The following SLC16A7 variants were observed in gnomAD, a reference collection of about 807,000 sequenced individuals.
The protein encoded by SLC16A7 is monocarboxylate transporter 2.
Under a neutral mutation model 34.9 loss-of-function variants are expected in SLC16A7, and 33 were observed. The ratio of observed to expected loss-of-function variants is 0.94; its 90% CI spans 0.72 to 1.26. The LOEUF (loss-of-function observed/expected upper bound fraction) is 1.26, where lower values mean the gene tolerates loss of function less well. Among genes scored for constraint, SLC16A7 ranks in the 50% most tolerant of loss-of-function variants. The pLI, the probability that SLC16A7 is intolerant of heterozygous loss-of-function variation, is 0.00. For synonymous variants in SLC16A7, 201 were observed against 206.6 expected (o/e 0.97, Z 0.23); for missense variants, 573 against 578.1 (o/e 0.99, Z 0.09).
At position 59,741,238 on chromosome 12, in the gene SLC16A7, G is replaced by C. The variant is rs149862834; in HGVS notation, c.218-29981G>C. On this transcript the variant is annotated intron_variant, in intron 3 of 5. Transcript: ENST00000547379. ...TTAAAGTTCATATGGAACCCAAAAAGAGCCCGCATCGCCAAGTCAATCCTA... is the reference window on the plus strand; with the variant it reads ...TTAAAGTTCATATGGAACCCAAAAACAGCCCGCATCGCCAAGTCAATCCTA... 5.2e-3 allele frequency among the ~76,000 whole-genome samples: 797 copies of C among 152,260 alleles called. 8 individuals are homozygous for C. The highest frequency in any genetic ancestry group is 0.015 in the African/African-American group (618 of 41,558).
intron 2 of SLC16A7, among the ~76,000 whole-genome samples, chr12:59,697,769 T>A (rs1872482149): frequency 6.6e-6 from 1 of 151,818 alleles, no homozygotes; most frequent in South Asian, 2.1e-4. Context: ...CATTTTATTT[T>A]GGTTTATTTC....
At chr12:59,742,287 TC>T (rs1878435314) in intron 3 of SLC16A7, among the ~76,000 whole-genome samples, 4 of 152,206 alleles carry the variant, frequency 2.6e-5, no homozygotes, top group Admixed American at 2.0e-4. Context: ...GCACTTGCAT[TC>T]TATTAACACT....
chr12:59,660,739 G>A (rs1436130234), intron 2 of SLC16A7, among the ~76,000 whole-genome samples: 1 of 151,772 alleles, frequency 6.6e-6, no homozygotes, highest in East Asian at 1.9e-4. Context: ...AATAAACTAT[G>A]ATAAAAATCC....
chr12:59,755,632 C>G (rs1463666107), intron 3 of SLC16A7, among the ~76,000 whole-genome samples: 1 of 152,146 alleles, frequency 6.6e-6, no homozygotes, highest in African/African-American at 2.4e-5. Context: ...GAAGAACATT[C>G]CATGCTCATG....
At chr12:59,739,350 A>C (rs908089850) in intron 3 of SLC16A7, among the ~76,000 whole-genome samples, 1 of 141,530 alleles carries the variant, frequency 7.1e-6, no homozygotes, top group African/African-American at 2.7e-5. Flanking sequence ...AATTTCATCC[A>C]TGTCCCTACA....
At chr12:59,658,637 A>G (rs1868661227) in intron 2 of SLC16A7, among the ~76,000 whole-genome samples, 1 of 152,034 alleles carries the variant, frequency 6.6e-6, no homozygotes, top group Non-Finnish European at 1.5e-5. Context: ...AGGGAAGCTG[A>G]GCATGCCCAG....
chr12:59,669,372 G>A (rs1592459511), intron 2 of SLC16A7, among the ~76,000 whole-genome samples: 1 of 152,020 alleles, frequency 6.6e-6, no homozygotes, highest in Non-Finnish European at 1.5e-5. Flanking sequence ...TTTTTAAAGT[G>A]GGGTATATAT....
intron 1 of SLC16A7, among the ~76,000 whole-genome samples, chr12:59,623,354 T>C (rs1223713749): frequency 1.3e-5 from 2 of 151,772 alleles, no homozygotes; most frequent in Non-Finnish European, 2.9e-5. Flanking sequence ...TCTCTGCATT[T>C]AAATCAATAC....
chr12:59,673,276 T>C (rs1870037898), intron 2 of SLC16A7, among the ~76,000 whole-genome samples: 1 of 152,120 alleles, frequency 6.6e-6, no homozygotes, highest in Admixed American at 6.6e-5. Flanking sequence ...TGAATTGGTT[T>C]TGGCATAATA....
chr12:59,697,463 A>G (rs2137116190), intron 2 of SLC16A7, among the ~76,000 whole-genome samples: 1 of 152,050 alleles, frequency 6.6e-6, no homozygotes, highest in East Asian at 1.9e-4. Context: ...GGCTGGTAGT[A>G]TATGCTATTA....
Position 59,630,025 on chromosome 12 carries a change from A to T in SLC16A7, c.-129-25127A>T, listed in dbSNP as rs116853939. On this transcript the variant is annotated intron_variant, in intron 1 of 5. Coordinates refer to ENST00000547379, the MANE Select transcript of SLC16A7 (RefSeq NM_001270623.2). ...AGGTACAAATTGTCTTATACATAGT[A>T]GTCACAAGTCAACAATTATTGAAAC... 3.7e-3 allele frequency among the ~76,000 whole-genome samples: 563 copies of T among 152,048 alleles called. 8 individuals carry two copies. Among genetic ancestry groups the T allele is most frequent in the Non-Finnish European group, 5.2e-3 (353 of 67,900 alleles).
At chr12:59,779,229 T>C (rs934006379) in intron 5 of SLC16A7, among the ~76,000 whole-genome samples, 194 bp from the exon 6 acceptor site, 2 of 152,110 alleles carry the variant, frequency 1.3e-5, no homozygotes, top group Non-Finnish European at 2.9e-5. Context: ...ACTAGTAATA[T>C]AATACTGTAA....
At chr12:59,649,450 G>A (rs1171420801) in intron 1 of SLC16A7, among the ~76,000 whole-genome samples, 1 of 152,150 alleles carries the variant, frequency 6.6e-6, no homozygotes, top group Non-Finnish European at 1.5e-5. Flanking sequence ...GTTTAAAGGT[G>A]TTTTGCTATT....
At chr12:59,754,962 C>A (rs377636358) in intron 3 of SLC16A7, among the ~76,000 whole-genome samples, 2 of 152,040 alleles carry the variant, frequency 1.3e-5, no homozygotes, top group Admixed American at 6.6e-5. Flanking sequence ...TATACGCAAA[C>A]CAATAAATGT....
At chr12:59,740,185 G>A (rs539719970) in intron 3 of SLC16A7, among the ~76,000 whole-genome samples, 72 of 151,460 alleles carry the variant, frequency 4.8e-4, no homozygotes, top group East Asian at 3.9e-4. Flanking sequence ...TAGGTCTAAC[G>A]TTTAAGTCTT....
chr12:59,776,362 A>G (rs1303994795), intron 5 of SLC16A7, among the ~76,000 whole-genome samples: 3 of 152,192 alleles, frequency 2.0e-5, no homozygotes, highest in African/African-American at 7.2e-5. Context: ...TTATGGTTTA[A>G]AGACATGTAT....
At chr12:59,720,196 C>G (rs1311213721) in intron 3 of SLC16A7, 6 of 636,902 alleles carry the variant, frequency 9.4e-6, no homozygotes, top group African/African-American at 7.5e-5. Context: ...TGGAATCTTC[C>G]TAAGTTATTG....
chr12:59,736,926 C>T (rs977947900), intron 3 of SLC16A7, among the ~76,000 whole-genome samples: 1 of 152,216 alleles, frequency 6.6e-6, no homozygotes, highest in African/African-American at 2.4e-5. Flanking sequence ...TCTCTACACC[C>T]TCAGCCTCCA....
chr12:59,708,195 G>T (rs1460774556), intron 3 of SLC16A7, among the ~76,000 whole-genome samples: 1 of 151,984 alleles, frequency 6.6e-6, no homozygotes, highest in Non-Finnish European at 1.5e-5. Flanking sequence ...TAAGACACAG[G>T]TATTAGTCCT....
Sources: gnomAD v4.1 joint callset for allele counts (sites outside exome capture counted in the v4.1 genomes callset) on GRCh38, gnomAD v4.1.1 for gene constraint, MANE v1.5 for transcripts, NCBI Gene and HGNC (gene_info 2026-07-23, HGNC 2026-07-21) for gene names.